Variants in SGTA observed in about 807,000 individuals in gnomAD.
SGTA encodes the protein small glutamine rich tetratricopeptide repeat co-chaperone alpha, also known as small glutamine-rich tetratricopeptide repeat-containing protein alpha.
In SGTA, 22 loss-of-function variants were observed where a neutral mutation model predicts 44.3. The ratio of observed to expected loss-of-function variants is 0.50; its 90% CI spans 0.36 to 0.71. The LOEUF (loss-of-function observed/expected upper bound fraction) is 0.71, where lower values mean the gene tolerates loss of function less well. Among genes scored for constraint, SGTA ranks in the 30% least tolerant of loss-of-function variants. SGTA has a pLI of 0.00. For synonymous variants in SGTA, 174 were observed against 177.6 expected (o/e 0.98, Z 0.16); for missense variants, 341 against 435.9 (o/e 0.78, Z 1.94).
chr19:2,766,440 AT>A (rs1008641007), intron 4 of SGTA, among the ~76,000 whole-genome samples: 1 of 149,604 alleles, frequency 6.7e-6, no homozygotes, highest in African/African-American at 2.5e-5. Context: ...TTTATTTTTT[AT>A]TTTTTTTTGA....
rs182593676 is a variant in SGTA at position 2,759,233 on chromosome 19, C to G, written c.737+24G>C. The G allele has an allele frequency of 6.8e-6, 11 of 1,612,034 alleles. No individual in the cohort carries two copies. In the East Asian group the frequency reaches 1.6e-4, roughly 23 times the overall value. On this transcript the variant is annotated intron_variant, in intron 9 of 11. Coordinates refer to ENST00000221566, the MANE Select transcript of SGTA (RefSeq NM_003021.4). ...AAGGAAATTTAACCACAACAAGACC[C>G]GAAGAAACCCGGTTGTCACTTACAG...
chr19:2,759,315 G>A (rs911829991), intron 8 of SGTA, 21 bp from the exon 9 acceptor site: 5 of 1,612,150 alleles, frequency 3.1e-6, no homozygotes, highest in Non-Finnish European at 4.2e-6. Context: ...GAACAAATTT[G>A]TCAGGAAGAC....
rs114597349 is a variant in SGTA, at chr19:2,771,815, C to T, written c.-23-2724G>A. ...TGGTGCTGGCGCATGGAGGGGCAGC[C>T]CTTGGGGAGGCCCTGGCCGTGGGAT... is the stretch of plus-strand genomic sequence containing the variant. On this transcript the variant is annotated intron_variant, in intron 1 of 11. Coordinates refer to ENST00000221566, the MANE Select transcript of SGTA (RefSeq NM_003021.4). Among the ~76,000 whole-genome samples, 1,268 of 152,338 alleles carry T rather than the reference C, an allele frequency of 8.3e-3. 25 individuals carry two copies. Among genetic ancestry groups the T allele is most frequent in the African/African-American group, 0.029 (1,192 of 41,574 alleles).
At chr19:2,771,954 C>T (rs1042122200) in intron 1 of SGTA, among the ~76,000 whole-genome samples, 2 of 152,356 alleles carry the variant, frequency 1.3e-5, no homozygotes, top group South Asian at 4.1e-4. Flanking sequence ...CACTCCCTGT[C>T]CAGGGCCTCT....
intron 5 of SGTA, among the ~76,000 whole-genome samples, chr19:2,764,585 G>T (rs1915087360): frequency 6.6e-6 from 1 of 151,492 alleles, no homozygotes; most frequent in Admixed American, 6.6e-5. Flanking sequence ...TTTTTTCGGG[G>T]TTTTTTTGAG....
At chr19:2,772,230 A>G (rs2144735219) in intron 1 of SGTA, among the ~76,000 whole-genome samples, 1 of 152,368 alleles carries the variant, frequency 6.6e-6, no homozygotes, top group Non-Finnish European at 1.5e-5. Context: ...GGGCCTGGCC[A>G]AGAGGCCGCC....
At chr19:2,774,636 AC>A (rs761472283) in intron 1 of SGTA, among the ~76,000 whole-genome samples, 2 of 152,058 alleles carry the variant, frequency 1.3e-5, no homozygotes, top group Non-Finnish European at 2.9e-5. Context: ...CATGCAGATG[AC>A]CTACCTGAGC....
intron 8 of SGTA, among the ~76,000 whole-genome samples, chr19:2,760,659 G>T (rs1025738970): frequency 2.0e-5 from 3 of 152,118 alleles, no homozygotes. Flanking sequence ...AAAGACTGGG[G>T]CCCAGTCACC....
At chr19:2,771,942 T>G (rs1321093727) in intron 1 of SGTA, among the ~76,000 whole-genome samples, 2 of 152,202 alleles carry the variant, frequency 1.3e-5, no homozygotes, top group African/African-American at 4.8e-5. Flanking sequence ...TTCCCTGGAA[T>G]CCACTCCCTG....
At chr19:2,780,665 G>A (rs1009092519) in intron 1 of SGTA, among the ~76,000 whole-genome samples, 5 of 152,148 alleles carry the variant, frequency 3.3e-5, no homozygotes, top group Non-Finnish European at 7.3e-5. Context: ...CCCTTTGAAC[G>A]CCAGCATCTG....
At position 2,778,174 on chromosome 19, in the gene SGTA, C is replaced by T. The variant is rs368420165; in HGVS notation, c.-24+5059G>A. 6.6e-5 allele frequency among the ~76,000 whole-genome samples: 10 copies of T among 152,212 alleles called. No individual in the cohort carries two copies. The East Asian group carries it at 1.9e-3, about 29-fold the overall frequency. Reference sequence around the variant, plus strand: ...ACAGCTGGAACTCGGCTTAGCATTCCAGGCACACAGGGCCTAGCACGATCC... The same window carrying T: ...ACAGCTGGAACTCGGCTTAGCATTCTAGGCACACAGGGCCTAGCACGATCC... On this transcript the variant is annotated intron_variant, in intron 1 of 11. Transcript: ENST00000221566.
Position 2,763,433 on chromosome 19 carries a change from C to T in SGTA, c.497+220G>A, listed in dbSNP as rs989634653. 6.6e-6 allele frequency among the ~76,000 whole-genome samples: 1 copy of T among 152,132 alleles called. No homozygotes were observed. Among genetic ancestry groups the T allele is most frequent in the African/African-American group, 2.4e-5 (1 of 41,428 alleles). ...GCCAGTCAGGGAGAAGCAAGGGGCC[C>T]AGGGATCTCCGGGTGGCACCTGATG... On this transcript the variant is annotated intron_variant, in intron 6 of 11. Coordinates refer to ENST00000221566, the MANE Select transcript of SGTA (RefSeq NM_003021.4). The surrounding 1 kb of genome is among the most constrained non-coding windows in gnomAD (Gnocchi z 5.8).
In SGTA at chr19:2,762,614, C is replaced by T. The variant is rs147808398; in HGVS notation, c.528G>A (p.Val176=). 47 of 1,614,048 alleles carry T rather than the reference C, an allele frequency of 2.9e-5. No individual in the cohort carries two copies. The African/African-American group carries it at 5.3e-4, about 18-fold the overall frequency. Residue 176 remains valine (V), a synonymous_variant, in exon 7 of 12, where the codon GTG becomes GTA. Coordinates refer to ENST00000221566, the MANE Select transcript of SGTA (RefSeq NM_003021.4). The part of the protein sequence containing the change: ...GLALSSLNKH[V]EAVAYYKKAL... ...CCTTCTTGTAGTAAGCCACGGCCTC[C>T]ACGTGCTTGTTGAGGCTGGAGAGCG...
intron 1 of SGTA, among the ~76,000 whole-genome samples, chr19:2,774,750 G>A (rs1223918198): frequency 6.6e-6 from 1 of 152,158 alleles, no homozygotes; most frequent in South Asian, 2.1e-4. Flanking sequence ...CCAAAGCGCT[G>A]GGATCACAGG....
At position 2,765,727 on chromosome 19, in the gene SGTA, T is replaced by C. The variant is rs1199292784; in HGVS notation, c.293-442A>G. Among the ~76,000 whole-genome samples, 1 of 152,196 alleles carries C rather than the reference T, an allele frequency of 6.6e-6. No homozygotes were observed. Among genetic ancestry groups the C allele is most frequent in the Non-Finnish European group, 1.5e-5 (1 of 68,030 alleles). On this transcript the variant is annotated intron_variant, in intron 4 of 11. Transcript: ENST00000221566. The surrounding 1 kb of genome is among the most constrained non-coding windows in gnomAD (Gnocchi z 5.5). ...CTCATTTCATAGGCAATGGGGCTTC[T>C]ATCTGAGGCATGGGTCCCAGCTGGT...
In SGTA at chr19:2,769,114, C is replaced by G. The variant is rs1315388996; in HGVS notation, c.-23-23G>C. Reference sequence around the variant, plus strand: ...TACCTGGGGGTGCAGGAAAAACCCCCATCAGGCCCCCTCACACTCCCCACT... The same window carrying G: ...TACCTGGGGGTGCAGGAAAAACCCCGATCAGGCCCCCTCACACTCCCCACT... On this transcript the variant is annotated intron_variant, in intron 1 of 11. Coordinates refer to ENST00000221566, the MANE Select transcript of SGTA (RefSeq NM_003021.4). 2.0e-6 allele frequency: 3 copies of G among 1,508,184 alleles called. No individual in the cohort carries two copies. The South Asian group carries it at 3.4e-5, about 17-fold the overall frequency. The allele number at this position is 1,508,184 out of a possible 1,614,324, so 93.4% of individuals were successfully genotyped here.
intron 8 of SGTA, among the ~76,000 whole-genome samples, chr19:2,759,785 A>T (rs925890812): frequency 5.3e-5 from 8 of 151,846 alleles, no homozygotes; most frequent in African/African-American, 1.9e-4. Flanking sequence ...ACATGGTGAA[A>T]CCCCGTCTCT....
Position 2,755,644 on chromosome 19 carries a change from G to T in SGTA, c.*296C>A, listed in dbSNP as rs1914801959. The T allele has an allele frequency of 1.0e-6, 1 of 985,520 alleles. No individual in the cohort carries two copies. The highest frequency in any genetic ancestry group is 1.2e-6 in the Non-Finnish European group (1 of 829,984). The allele number at this position is 985,520 out of a possible 1,614,324, so 61.0% of individuals were successfully genotyped here. A position where few individuals can be genotyped will look rare whatever the true frequency, so the allele number is the denominator to read the frequency against. On this transcript the variant is annotated 3_prime_UTR_variant, in exon 12 of 12. Transcript: ENST00000221566. This position sits in a 1 kb window ranked among gnomAD's most constrained non-coding sequence, Gnocchi z 5.2. ...TGAGAGCGGCCCGGGAGCACCCCAG[G>T]ATTCTAGAAAACACTCAAGTGACCG...
intron 1 of SGTA, among the ~76,000 whole-genome samples, chr19:2,775,280 C>G (rs1568312931): frequency 6.6e-6 from 1 of 152,232 alleles, no homozygotes; most frequent in Non-Finnish European, 1.5e-5. Context: ...TGTCTTGGTT[C>G]CCCTAAAATG....
Sources: allele counts gnomAD v4.1 joint callset (sites outside exome capture counted in the v4.1 genomes callset), GRCh38; gene constraint gnomAD v4.1.1; non-coding constraint Gnocchi (gnomAD v3.1); transcripts MANE v1.5; gene names NCBI Gene and HGNC (gene_info 2026-07-23, HGNC 2026-07-21).